Variants in VEPH1 observed in about 807,000 individuals in gnomAD.
VEPH1 encodes the protein ventricular zone-expressed PH domain-containing protein homolog 1.
A neutral mutation model predicts 85.2 loss-of-function variants in VEPH1; 80 were observed. The observed-to-expected ratio is 0.94, with a 90% CI of 0.78 to 1.13. The LOEUF is 1.13. Ranked by LOEUF, VEPH1 falls within the 50% of genes most tolerant of loss-of-function variation. The pLI is 0.00. For synonymous variants in VEPH1, 297 were observed against 348.0 expected (o/e 0.85, Z 1.63); for missense variants, 955 against 980.5 (o/e 0.97, Z 0.35).
At chr3:157,426,201 C>T (rs1011173393) in intron 5 of VEPH1, among the ~76,000 whole-genome samples, 1 of 152,152 alleles carries the variant, frequency 6.6e-6, no homozygotes, top group African/African-American at 2.4e-5. Context: ...CTCCAGAATC[C>T]ATTTCAAATT....
At chr3:157,488,975 C>G (rs1421155986) in intron 2 of VEPH1, 11 of 228,920 alleles carry the variant, frequency 4.8e-5, no homozygotes, top group South Asian at 1.9e-4. Flanking sequence ...CCACCTCCCC[C>G]TCTTCATCAC....
intron 12 of VEPH1, among the ~76,000 whole-genome samples, chr3:157,285,708 T>G (rs1416593559): frequency 6.6e-6 from 1 of 152,164 alleles, no homozygotes; most frequent in Non-Finnish European, 1.5e-5. Context: ...CAGCATAACT[T>G]TTTGGATATA....
chr3:157,360,309 G>T (rs1725903246), intron 9 of VEPH1, among the ~76,000 whole-genome samples: 1 of 152,042 alleles, frequency 6.6e-6, no homozygotes, highest in Non-Finnish European at 1.5e-5. Context: ...ACATATCTCT[G>T]TGCAAGGAAT....
chr3:157,486,266 G>A (rs990336620), intron 2 of VEPH1, among the ~76,000 whole-genome samples: 7 of 152,084 alleles, frequency 4.6e-5, no homozygotes, highest in Non-Finnish European at 1.5e-5. Context: ...GAGAGACCGA[G>A]GCGGGTGGAT....
chr3:157,270,443 G>C (rs1714394682), intron 12 of VEPH1, among the ~76,000 whole-genome samples: 1 of 152,112 alleles, frequency 6.6e-6, no homozygotes, highest in African/African-American at 2.4e-5. Context: ...AACCCAAACT[G>C]TTACTGTGTT....
At chr3:157,343,052 C>T (rs999359425) in intron 9 of VEPH1, among the ~76,000 whole-genome samples, 4 of 152,150 alleles carry the variant, frequency 2.6e-5, no homozygotes, top group African/African-American at 7.2e-5. Context: ...ATTTACAGCA[C>T]GAAATGCCCA....
chr3:157,314,032 T>C (rs372581420), intron 10 of VEPH1, among the ~76,000 whole-genome samples: 35 of 151,752 alleles, frequency 2.3e-4, no homozygotes, highest in Admixed American at 6.6e-4. Context: ...CCTCCACCTC[T>C]CTTAAAAAAA....
intron 9 of VEPH1, among the ~76,000 whole-genome samples, chr3:157,347,964 A>C (rs969049118): frequency 1.3e-5 from 2 of 152,192 alleles, no homozygotes; most frequent in Non-Finnish European, 1.5e-5. Flanking sequence ...ACATCTCTGG[A>C]GTGCGCCCTC....
At position 157,312,560 on chromosome 3, in the gene VEPH1, C is replaced by T. The variant is rs184358033; in HGVS notation, c.2010+1061G>A. Among the ~76,000 whole-genome samples, 268 of 152,278 alleles carry T rather than the reference C, an allele frequency of 1.8e-3. 2 individuals are homozygous for T. Among genetic ancestry groups the T allele is most frequent in the Middle Eastern group, 0.017 (5 of 294 alleles). On this transcript the variant is annotated intron_variant, in intron 11 of 13. Coordinates refer to ENST00000362010, the MANE Select transcript of VEPH1 (RefSeq NM_001167912.2). ...CCAGAATGCTTTATCTTCTTCTGCT[C>T]CATCAGATTATTTTGTGATTTCTCA...
chr3:157,450,206 C>T (rs1577687105), intron 4 of VEPH1, among the ~76,000 whole-genome samples: 1 of 151,824 alleles, frequency 6.6e-6, no homozygotes, highest in African/African-American at 2.4e-5. Context: ...CAGGTGCACA[C>T]CACCAAGCCC....
chr3:157,459,730 T>C (rs938640482), intron 4 of VEPH1: 73 of 1,422,082 alleles, frequency 5.1e-5, no homozygotes, highest in Non-Finnish European at 6.5e-5. Flanking sequence ...ATCCAAATCA[T>C]GTTCACATTT....
chr3:157,442,463 C>T lies in VEPH1; in HGVS notation c.530-13975G>A, dbSNP rs1734202047. ...TGAGGCTTGAGTCTTTTAGTGCCTG[C>T]ATTTGGGTCAAAGCCACAGATGTAT... On this transcript the variant is annotated intron_variant, in intron 4 of 13. Coordinates refer to ENST00000362010, the MANE Select transcript of VEPH1 (RefSeq NM_001167912.2). 2.5e-6 allele frequency: 4 copies of T among 1,614,168 alleles called. No individual in the cohort carries two copies. The East Asian group carries it at 6.7e-5, about 27-fold the overall frequency.
chr3:157,305,036 ATATCTATCTATC>A (rs10530716), intron 11 of VEPH1, among the ~76,000 whole-genome samples: 10 of 139,500 alleles, frequency 7.2e-5, no homozygotes, highest in African/African-American at 1.1e-4. Flanking sequence ...GTGTATTGTT[ATATCTATCTATC>A]TATCTATCTA....
intron 6 of VEPH1, among the ~76,000 whole-genome samples, chr3:157,407,012 A>T (rs1731190380): frequency 6.6e-6 from 1 of 151,928 alleles, no homozygotes; most frequent in Admixed American, 6.6e-5. Context: ...AAAAAAAATC[A>T]ATGCCATTCC....
intron 4 of VEPH1, chr3:157,437,592 G>A: frequency 6.3e-7 from 1 of 1,581,740 alleles, no homozygotes. Flanking sequence ...AGATGAGAGA[G>A]CGCATGCTGC....
chr3:157,369,093 C>T (rs1440742223), intron 7 of VEPH1, among the ~76,000 whole-genome samples: 1 of 149,720 alleles, frequency 6.7e-6, no homozygotes, highest in African/African-American at 2.5e-5. Flanking sequence ...TGAAGTCAGC[C>T]TGCCACCCAC....
chr3:157,436,492 C>T (rs917501848), intron 4 of VEPH1, among the ~76,000 whole-genome samples: 1 of 152,114 alleles, frequency 6.6e-6, no homozygotes, highest in Non-Finnish European at 1.5e-5. Flanking sequence ...AATAACAGCT[C>T]ACAGAAAATG....
chr3:157,263,245 A>G lies in VEPH1; in HGVS notation c.2266-1875T>C, dbSNP rs186586366. ...GGTATTTTGCTGTGGCCTTCATGCT[A>G]TATTAAATTATTTCCCACTATTTGA... On this transcript the variant is annotated intron_variant, in intron 13 of 13. Transcript: ENST00000362010. 4.0e-4 allele frequency among the ~76,000 whole-genome samples: 61 copies of G among 152,268 alleles called. No homozygotes were observed. The South Asian group carries it at 9.3e-3, about 23-fold the overall frequency.
At chr3:157,477,204 T>C (rs541768105) in intron 2 of VEPH1, among the ~76,000 whole-genome samples, 1 of 151,578 alleles carries the variant, frequency 6.6e-6, no homozygotes, top group Non-Finnish European at 1.5e-5. Flanking sequence ...TTTTTTTTTT[T>C]AATCTGTTCT....
Sources: gnomAD v4.1 joint callset for allele counts (sites outside exome capture counted in the v4.1 genomes callset) on GRCh38, gnomAD v4.1.1 for gene constraint, MANE v1.5 for transcripts, NCBI Gene and HGNC (gene_info 2026-07-23, HGNC 2026-07-21) for gene names.